PTPRG: variants seen among roughly 807,000 people sequenced by gnomAD.
PTPRG encodes protein tyrosine phosphatase receptor type G, also known as receptor-type tyrosine-protein phosphatase gamma.
PTPRG carries 102 observed loss-of-function variants against 165.3 expected under a neutral mutation model. The ratio of observed to expected loss-of-function variants is 0.62; its 90% confidence interval spans 0.53 to 0.73. The LOEUF (loss-of-function observed/expected upper bound fraction) is 0.73, where lower values mean the gene tolerates loss of function less well. Among genes scored for constraint, PTPRG ranks in the 30% least tolerant of loss-of-function variants. PTPRG has a pLI of 0.00. For missense variants in PTPRG, 1,866 were observed against 1,861.4 expected, an observed-to-expected ratio of 1.00 and a Z score of -0.05; for synonymous variants, 675 against 669.5, an observed-to-expected ratio of 1.01 and a Z score of -0.13.
chr3:62,177,828 A>G (rs1258207885), intron 8 of PTPRG, among the ~76,000 whole-genome samples: 5 of 152,138 alleles, frequency 3.3e-5, no homozygotes, highest in African/African-American at 1.2e-4. Context: ...CACTTGTTTC[A>G]GGGCACCAGT....
rs763422985 is a variant in PTPRG, at chr3:62,273,843, A to T, written c.3464A>T (p.Lys1155Met). The T allele has an allele frequency of 2.9e-5, 47 of 1,612,752 alleles. No homozygotes were observed. The highest frequency in any genetic ancestry group is 3.6e-5 in the Non-Finnish European group (43 of 1,179,234). ...AAGACACGACTGGAAAAGCAATTCA[A>T]GGTAGTGCTTTGAAAAAGTTTCTTT... ...GGKTRLEKQFKLVTQCNAKYV... is the reference protein window; with the variant it reads ...GGKTRLEKQFMLVTQCNAKYV... Residue 1155 changes from lysine (K) to methionine (M), a missense_variant and splice_region_variant, in exon 23 of 30, where the codon AAG becomes ATG. Around this residue, in one of 3 missense-constraint regions of PTPRG, gnomAD observed 1,452 missense variants for 1,463.0 expected, o/e 0.99. Coordinates refer to ENST00000474889, the MANE Select transcript of PTPRG (RefSeq NM_002841.4). This position sits in a 1 kb window ranked among gnomAD's most constrained non-coding sequence, Gnocchi z 4.1.
intron 2 of PTPRG, among the ~76,000 whole-genome samples, chr3:61,868,049 C>T (rs2037458422): frequency 6.6e-6 from 1 of 152,142 alleles, no homozygotes. Context: ...CAGTCTGATA[C>T]CTGTAGTCCC....
chr3:61,563,303 A>G lies in PTPRG; in HGVS notation c.85+931A>G, dbSNP rs529379451. Among the ~76,000 whole-genome samples, 162 of 152,146 alleles carry G rather than the reference A, an allele frequency of 1.1e-3. 1 individual carries two copies. Among genetic ancestry groups the G allele is most frequent in the African/African-American group, 3.7e-3 (152 of 41,518 alleles). On this transcript the variant is annotated intron_variant, in intron 1 of 29. Coordinates refer to ENST00000474889, the MANE Select transcript of PTPRG (RefSeq NM_002841.4). The stretch of plus-strand genomic sequence containing the variant: ...CTCGCTCCTTTCTGGCCAGGTTAAG[A>G]CAGGAACAATACTGGCCGTTGATAA...
chr3:61,730,997 C>T, intron 1 of PTPRG, among the ~76,000 whole-genome samples: 1 of 152,190 alleles, frequency 6.6e-6, no homozygotes, highest in East Asian at 1.9e-4. Context: ...CCCTTTAACT[C>T]AGTTCCCTCT....
intron 1 of PTPRG, among the ~76,000 whole-genome samples, chr3:61,575,268 C>T (rs1193910756): frequency 6.6e-6 from 1 of 152,056 alleles, no homozygotes; most frequent in Non-Finnish European, 1.5e-5. Context: ...GAAATGTAAG[C>T]ACTCTGACCA....
chr3:62,140,016 A>G (rs985982812), intron 6 of PTPRG, among the ~76,000 whole-genome samples: 1 of 152,214 alleles, frequency 6.6e-6, no homozygotes, highest in Non-Finnish European at 1.5e-5. Flanking sequence ...TTCTACAATA[A>G]AGAGTAACGG....
intron 1 of PTPRG, among the ~76,000 whole-genome samples, chr3:61,677,744 T>C (rs988648686): frequency 2.6e-5 from 4 of 152,180 alleles, no homozygotes; most frequent in Admixed American, 6.5e-5. Context: ...CCCAGAGTGG[T>C]AGAGTGGCTT....
Position 62,203,101 on chromosome 3 carries a change from C to T in PTPRG, c.1378-72C>T. 2 of 1,518,444 alleles carry T rather than the reference C, an allele frequency of 1.3e-6. No individual in the cohort carries two copies. Among genetic ancestry groups the T allele is most frequent in the Non-Finnish European group, 1.8e-6 (2 of 1,133,278 alleles). 94.1% of individuals were successfully genotyped at this position (1,518,444 alleles called of 1,614,324 possible). Reference sequence around the variant, plus strand: ...TGACAACCAGGGCCTCATTCCCAATCTCAATTACTGATGCTTCTCTGCTTT... The same window carrying T: ...TGACAACCAGGGCCTCATTCCCAATTTCAATTACTGATGCTTCTCTGCTTT... On this transcript the variant is annotated intron_variant, in intron 11 of 29. Coordinates refer to ENST00000474889, the MANE Select transcript of PTPRG (RefSeq NM_002841.4). The surrounding 1 kb of genome is among the most constrained non-coding windows in gnomAD (Gnocchi z 6.4).
At chr3:61,840,767 TTTTTTTGTTTGTTTG>T (rs2036604658) in intron 2 of PTPRG, among the ~76,000 whole-genome samples, 1 of 117,896 alleles carries the variant, frequency 8.5e-6, no homozygotes, top group Admixed American at 8.1e-5. Flanking sequence ...CAGATGGAGT[TTTTTTTGTTTGTTTG>T]TTTTTTTTTT....
At chr3:61,790,495 G>C (rs2034838935) in intron 2 of PTPRG, among the ~76,000 whole-genome samples, 1 of 152,182 alleles carries the variant, frequency 6.6e-6, no homozygotes, top group Non-Finnish European at 1.5e-5. Flanking sequence ...GAGTGTACTA[G>C]AGCTTTTGGA....
chr3:61,906,530 G>A (rs573608672), intron 2 of PTPRG, among the ~76,000 whole-genome samples: 223 of 152,262 alleles, frequency 1.5e-3, no homozygotes, highest in African/African-American at 5.1e-3. Flanking sequence ...AGCACTTTGT[G>A]AGGTCGAGGT....
At chr3:61,735,594 G>A (rs1165963344) in intron 1 of PTPRG, among the ~76,000 whole-genome samples, 3 of 150,956 alleles carry the variant, frequency 2.0e-5, no homozygotes, top group Non-Finnish European at 2.9e-5. Context: ...AAACAAAGCC[G>A]ATGAGAGGCC....
rs577915470 is a variant in PTPRG at position 62,095,651 on chromosome 3, A to G, written c.615+17393A>G. 3.9e-5 allele frequency among the ~76,000 whole-genome samples: 6 copies of G among 152,316 alleles called. No individual in the cohort carries two copies. In the South Asian group the frequency reaches 1.2e-3, roughly 32 times the overall value. On this transcript the variant is annotated intron_variant, in intron 5 of 29. Transcript: ENST00000474889. ...GCTATTGGGGGAATAGAAGTTTATC[A>G]TGTAAATGTGCCAATGGACATATGA...
At chr3:61,929,533 C>T (rs894620990) in intron 2 of PTPRG, among the ~76,000 whole-genome samples, 2 of 152,132 alleles carry the variant, frequency 1.3e-5, no homozygotes, top group African/African-American at 4.8e-5. Flanking sequence ...GAGCAAAGTT[C>T]ATGCATTGCA....
chr3:62,080,061 C>CTTTTTTTTTTTTTTTTTTTTT (rs774262138), intron 5 of PTPRG, among the ~76,000 whole-genome samples: 1 of 111,568 alleles, frequency 9.0e-6, no homozygotes. Context: ...CCCTTCGGTT[C>CTTTTTTTTTTTTTTTTTTTTT]ATTTTTTTTT....
At position 62,293,357 on chromosome 3, in the gene PTPRG, CTTT is replaced by C; in HGVS notation, c.*54_*56del. Reference sequence around the variant, plus strand: ...TTTGTAAACTTCTGAAGACTGAGAACTTTTTTGAGGCCTTTTTTGCCAGACTCT... The same window carrying C: ...TTTGTAAACTTCTGAAGACTGAGAACTTTGAGGCCTTTTTTGCCAGACTCT... On this transcript the variant is annotated 3_prime_UTR_variant, in exon 30 of 30. Coordinates refer to ENST00000474889, the MANE Select transcript of PTPRG (RefSeq NM_002841.4). 5.5e-6 allele frequency: 8 copies of C among 1,453,924 alleles called. No homozygotes were observed. The highest frequency in any genetic ancestry group is 7.3e-6 in the Non-Finnish European group (8 of 1,099,202). 90.1% of individuals were successfully genotyped at this position (1,453,924 alleles called of 1,614,324 possible).
intron 1 of PTPRG, among the ~76,000 whole-genome samples, chr3:61,600,527 T>G (rs1439584903): frequency 6.6e-6 from 1 of 152,008 alleles, no homozygotes; most frequent in Admixed American, 6.6e-5. Flanking sequence ...TGATGTGGTT[T>G]TGGTTCTTTT....
At chr3:61,935,769 T>G (rs1009825380) in intron 2 of PTPRG, among the ~76,000 whole-genome samples, 1 of 150,496 alleles carries the variant, frequency 6.6e-6, no homozygotes, top group South Asian at 2.1e-4. Context: ...ATATATAAAG[T>G]ATGTATATCT....
chr3:61,734,272 T>C (rs1169941898), intron 1 of PTPRG, among the ~76,000 whole-genome samples: 1 of 152,172 alleles, frequency 6.6e-6, no homozygotes, highest in African/African-American at 2.4e-5. Flanking sequence ...CTGCAGGCTT[T>C]TTTCTCTCCT....
Sources: allele counts gnomAD v4.1 joint callset (sites outside exome capture counted in the v4.1 genomes callset), GRCh38; gene constraint gnomAD v4.1.1; regional missense constraint gnomAD v4.1.1; non-coding constraint Gnocchi (gnomAD v3.1); transcripts MANE v1.5; gene names NCBI Gene and HGNC (gene_info 2026-07-23, HGNC 2026-07-21).